PLEKHA7: variants seen among roughly 807,000 people sequenced by gnomAD.
PLEKHA7 encodes the protein pleckstrin homology domain-containing family A member 7.
A neutral mutation model predicts 170.0 loss-of-function variants in PLEKHA7; 104 were observed. That is an observed-to-expected ratio of 0.61 (90% CI 0.52 to 0.72). PLEKHA7 has a LOEUF of 0.72. Ranked by LOEUF, PLEKHA7 falls within the 30% of genes least tolerant of loss-of-function variation. The pLI, the probability that PLEKHA7 is intolerant of heterozygous loss-of-function variation, is 0.00. For synonymous variants in PLEKHA7, 648 were observed against 660.8 expected (o/e 0.98, Z 0.30); for missense variants, 1,615 against 1,671.7 (o/e 0.97, Z 0.59).
chr11:16,789,065 C>T lies in PLEKHA7; in HGVS notation c.3357+31G>A. On this transcript the variant is annotated intron_variant, in intron 23 of 26. Transcript: ENST00000531066. This position sits in a 1 kb window ranked among gnomAD's most constrained non-coding sequence, Gnocchi z 4.6. The stretch of plus-strand genomic sequence containing the variant: ...CTGAGGGGCACTCGGCTCCCTGTCC[C>T]TGCCCCGCTGCCTGGCCCCTCCTAA... 1 of 1,590,186 alleles carries T rather than the reference C, an allele frequency of 6.3e-7. No individual in the cohort carries two copies. Among genetic ancestry groups the T allele is most frequent in the South Asian group, 1.1e-5 (1 of 89,790 alleles).
At chr11:16,884,605 A>G (rs1414082269) in intron 3 of PLEKHA7, among the ~76,000 whole-genome samples, 2 of 152,118 alleles carry the variant, frequency 1.3e-5, no homozygotes, top group Non-Finnish European at 2.9e-5. Context: ...ACTGCACTCC[A>G]GCCTGGACAA....
intron 3 of PLEKHA7, among the ~76,000 whole-genome samples, chr11:16,976,920 G>A (rs924094405): frequency 2.0e-5 from 3 of 152,158 alleles, no homozygotes; most frequent in Non-Finnish European, 4.4e-5. Flanking sequence ...TTGCATGCCA[G>A]CCATTCAAGC....
intron 3 of PLEKHA7, among the ~76,000 whole-genome samples, chr11:16,923,554 A>G (rs1358643970): frequency 3.3e-5 from 5 of 152,102 alleles, no homozygotes; most frequent in Non-Finnish European, 7.4e-5. Context: ...AGCCCAGCCC[A>G]TGGAGAGCAG....
Position 16,817,328 on chromosome 11 carries a change from G to A in PLEKHA7, c.1344-6C>T, listed in dbSNP as rs1004034864. On this transcript the variant is annotated splice_polypyrimidine_tract_variant and splice_region_variant and intron_variant, in intron 10 of 26. Transcript: ENST00000531066. The surrounding 1 kb of genome is among the most constrained non-coding windows in gnomAD (Gnocchi z 4.4). The stretch of plus-strand genomic sequence containing the variant: ...GCGTCTGGTCCAAGGGAAGACTGAG[G>A]AGAAAGGGTAAGAACGGGTCAGGCA... 6.2e-7 allele frequency: 1 copy of A among 1,602,228 alleles called. No individual in the cohort carries two copies. The highest frequency in any genetic ancestry group is 8.5e-7 in the Non-Finnish European group (1 of 1,177,320).
At chr11:16,799,490 C>CA in intron 17 of PLEKHA7, among the ~76,000 whole-genome samples, 1 of 151,944 alleles carries the variant, frequency 6.6e-6, no homozygotes, top group Non-Finnish European at 1.5e-5. Context: ...TTTTCAAAGA[C>CA]ACGTATTCAT....
intron 11 of PLEKHA7, 146 bp downstream of exon 11, chr11:16,816,654 G>C: frequency 2.0e-6 from 2 of 996,474 alleles, no homozygotes; most frequent in Non-Finnish European, 2.9e-6. Flanking sequence ...CTTGGGAACT[G>C]TGCCTGGCAT....
chr11:16,871,484 A>T (rs542646302), intron 3 of PLEKHA7, among the ~76,000 whole-genome samples: 2 of 152,278 alleles, frequency 1.3e-5, no homozygotes, highest in South Asian at 4.1e-4. Context: ...ACTCCAGCAA[A>T]CTGAGACGAT....
intron 3 of PLEKHA7, among the ~76,000 whole-genome samples, chr11:16,890,370 C>T (rs1416502377): frequency 6.6e-6 from 1 of 152,060 alleles, no homozygotes; most frequent in Non-Finnish European, 1.5e-5. Context: ...GATTTAAAAA[C>T]AAGATCCAAC....
At chr11:17,004,517 C>T (rs929899481) in intron 3 of PLEKHA7, among the ~76,000 whole-genome samples, 2 of 151,804 alleles carry the variant, frequency 1.3e-5, no homozygotes, top group Non-Finnish European at 1.5e-5. Flanking sequence ...CTCAGCCTCC[C>T]GAGTAGCTGG....
chr11:16,961,676 T>C (rs1264163294), intron 3 of PLEKHA7, among the ~76,000 whole-genome samples: 1 of 152,204 alleles, frequency 6.6e-6, no homozygotes, highest in Non-Finnish European at 1.5e-5. Context: ...AGAGACAGGA[T>C]TCTGGCAGGG....
chr11:16,990,990 G>A (rs1335340554), intron 3 of PLEKHA7, among the ~76,000 whole-genome samples: 2 of 152,192 alleles, frequency 1.3e-5, no homozygotes, highest in African/African-American at 2.4e-5. Context: ...TTGTCATTGT[G>A]GGCAGATGAG....
chr11:16,785,686 G>A (rs543264621), intron 24 of PLEKHA7, among the ~76,000 whole-genome samples: 19 of 152,258 alleles, frequency 1.2e-4, no homozygotes, highest in African/African-American at 2.6e-4. Flanking sequence ...CTGTCATGAT[G>A]CATGTGAGCC....
chr11:16,834,537 C>T (rs1358834995), intron 9 of PLEKHA7, among the ~76,000 whole-genome samples: 1 of 152,150 alleles, frequency 6.6e-6, no homozygotes, highest in Non-Finnish European at 1.5e-5. Flanking sequence ...AGTCCCAAGA[C>T]AGGACTGCAG....
intron 3 of PLEKHA7, among the ~76,000 whole-genome samples, chr11:16,979,615 C>G (rs1863292462): frequency 6.6e-6 from 1 of 152,074 alleles, no homozygotes; most frequent in Non-Finnish European, 1.5e-5. Context: ...TTCCTCCAAC[C>G]CTTTCTAAAG....
intron 3 of PLEKHA7, among the ~76,000 whole-genome samples, chr11:16,871,498 CA>C (rs1565047428): frequency 6.6e-6 from 1 of 152,104 alleles, no homozygotes; most frequent in Non-Finnish European, 1.5e-5. Flanking sequence ...AGACGATGAA[CA>C]AAAAGTAACA....
At chr11:16,822,502 GAAAAAAAAAAA>G (rs775136335) in intron 10 of PLEKHA7, among the ~76,000 whole-genome samples, 1 of 78,928 alleles carries the variant, frequency 1.3e-5, no homozygotes, top group African/African-American at 6.3e-5. Context: ...TTTGGTAGGG[GAAAAAAAAAAA>G]AAAAAAAAAA....
At chr11:16,850,585 G>A (rs75165101) in intron 8 of PLEKHA7, among the ~76,000 whole-genome samples, 213 of 152,328 alleles carry the variant, frequency 1.4e-3, no homozygotes, top group African/African-American at 4.9e-3. Context: ...GACCTCACAG[G>A]TGCTACAGGG....
intron 23 of PLEKHA7, 152 bp downstream of exon 23, chr11:16,788,944 C>T (rs1232256379): frequency 2.1e-5 from 20 of 953,700 alleles, no homozygotes; most frequent in Middle Eastern, 3.3e-4. Flanking sequence ...CAGCCTGGGT[C>T]GTGGACAAAC....
intron 3 of PLEKHA7, among the ~76,000 whole-genome samples, chr11:16,940,148 T>G (rs1433890488): frequency 6.6e-6 from 1 of 152,166 alleles, no homozygotes; most frequent in Admixed American, 6.5e-5. Context: ...GGGGAAGAAG[T>G]ACCACTTGTG....
Sources: allele counts gnomAD v4.1 joint callset (sites outside exome capture counted in the v4.1 genomes callset), GRCh38; gene constraint gnomAD v4.1.1; non-coding constraint Gnocchi (gnomAD v3.1); transcripts MANE v1.5; gene names NCBI Gene and HGNC (gene_info 2026-07-23, HGNC 2026-07-21).